Variants in DLGAP1 observed in about 807,000 individuals in gnomAD.
DLGAP1 encodes the protein DLG associated protein 1.
DLGAP1 carries 11 observed loss-of-function variants against 90.8 expected under a neutral mutation model. The ratio of observed to expected loss-of-function variants is 0.12; its 90% CI spans 0.08 to 0.20. DLGAP1 has a LOEUF of 0.20. Ranked by LOEUF, DLGAP1 falls within the 10% of genes least tolerant of loss-of-function variation. DLGAP1 has a pLI of 1.00. For missense variants in DLGAP1, 1,050 were observed against 1,333.8 expected (o/e 0.79, Z 3.31); for synonymous variants, 558 against 540.7 (o/e 1.03, Z -0.44).
intron 1 of DLGAP1, among the ~76,000 whole-genome samples, chr18:4,152,429 C>T (rs1181262364): frequency 1.3e-5 from 2 of 151,962 alleles, no homozygotes; most frequent in African/African-American, 4.8e-5. Flanking sequence ...TGATATGGCT[C>T]GATCAATTTT....
At chr18:3,630,016 G>A (rs749961979) in intron 7 of DLGAP1, among the ~76,000 whole-genome samples, 1 of 152,182 alleles carries the variant, frequency 6.6e-6, no homozygotes, top group Admixed American at 6.5e-5. Flanking sequence ...AGGAGGGCTG[G>A]AGTATAAAGT....
chr18:3,637,398 C>T (rs906393150), intron 7 of DLGAP1, among the ~76,000 whole-genome samples: 1 of 151,928 alleles, frequency 6.6e-6, no homozygotes, highest in African/African-American at 2.4e-5. Flanking sequence ...ACACTTCGCT[C>T]CTGGTAGCAC....
intron 4 of DLGAP1, among the ~76,000 whole-genome samples, chr18:3,867,137 C>T (rs1317677575): frequency 6.6e-6 from 1 of 152,190 alleles, no homozygotes; most frequent in Admixed American, 6.5e-5. Flanking sequence ...CAGGTGTGAA[C>T]CACTGCGCCC....
intron 1 of DLGAP1, among the ~76,000 whole-genome samples, chr18:4,219,033 T>G (rs896620289): frequency 1.8e-3 from 257 of 139,446 alleles, no homozygotes; most frequent in African/African-American, 6.0e-3. Context: ...CTTTGTTTTT[T>G]TTTTTTTTTT....
At chr18:3,796,328 G>C (rs1314798698) in intron 5 of DLGAP1, among the ~76,000 whole-genome samples, 2 of 96,714 alleles carry the variant, frequency 2.1e-5, no homozygotes, top group African/African-American at 6.2e-5. Context: ...TGTGGAGTGT[G>C]AAGTCCTGGG....
chr18:3,912,030 AG>A (rs1236618695), intron 3 of DLGAP1, among the ~76,000 whole-genome samples: 4 of 152,226 alleles, frequency 2.6e-5, no homozygotes, highest in African/African-American at 9.6e-5. Flanking sequence ...TAAGCGCTTC[AG>A]GCTGATATGT....
chr18:3,898,153 G>A (rs2071696144), intron 3 of DLGAP1, among the ~76,000 whole-genome samples: 2 of 152,146 alleles, frequency 1.3e-5, no homozygotes, highest in Admixed American at 1.3e-4. Context: ...TACTGGTTGA[G>A]CATCCCAAAT....
At chr18:4,110,315 A>G (rs1351748316) in intron 2 of DLGAP1, among the ~76,000 whole-genome samples, 2 of 152,222 alleles carry the variant, frequency 1.3e-5, no homozygotes, top group South Asian at 2.1e-4. Flanking sequence ...ACATTGTTAT[A>G]GTCTTATGGG....
At chr18:4,311,156 T>C (rs983732838) in intron 1 of DLGAP1, among the ~76,000 whole-genome samples, 2 of 152,230 alleles carry the variant, frequency 1.3e-5, no homozygotes, top group Non-Finnish European at 2.9e-5. Flanking sequence ...TTAGGCCTAC[T>C]TGATAAGATG....
chr18:3,919,132 C>T (rs969703619), intron 3 of DLGAP1, among the ~76,000 whole-genome samples: 1 of 152,188 alleles, frequency 6.6e-6, no homozygotes, highest in Non-Finnish European at 1.5e-5. Context: ...ATGGCTTTGA[C>T]CTTTTTCTGG....
At chr18:3,963,172 C>A (rs1184262793) in intron 3 of DLGAP1, among the ~76,000 whole-genome samples, 5 of 152,102 alleles carry the variant, frequency 3.3e-5, no homozygotes, top group African/African-American at 1.2e-4. Context: ...TGGAACATAG[C>A]CTTCTTGGCC....
chr18:3,611,315 C>G (rs1166187730), intron 7 of DLGAP1, among the ~76,000 whole-genome samples: 2 of 152,022 alleles, frequency 1.3e-5, no homozygotes, highest in Non-Finnish European at 2.9e-5. Flanking sequence ...ATTTGAGATG[C>G]CTGGAGAAAA....
intron 1 of DLGAP1, among the ~76,000 whole-genome samples, chr18:4,379,534 T>C (rs57681757): frequency 2.0e-5 from 3 of 152,252 alleles, no homozygotes; most frequent in South Asian, 2.1e-4. Flanking sequence ...GATAAGGACA[T>C]GATGCCAACT....
chr18:3,579,997 T>A (rs536820561), intron 8 of DLGAP1, among the ~76,000 whole-genome samples: 1 of 152,348 alleles, frequency 6.6e-6, no homozygotes, highest in East Asian at 1.9e-4. Context: ...ACCCCGGCTA[T>A]TCCTGCAAGT....
chr18:3,802,187 A>G (rs899544868), intron 5 of DLGAP1, among the ~76,000 whole-genome samples: 4 of 151,682 alleles, frequency 2.6e-5, no homozygotes, highest in South Asian at 2.1e-4. Flanking sequence ...GTTTCACCAT[A>G]TTGGCCAGGC....
rs1051254178 is a variant in DLGAP1 at position 3,496,671 on chromosome 18, T to TA, written c.*2513dup. 1 of 152,136 alleles carries TA rather than the reference T, an allele frequency of 6.6e-6. No homozygotes were observed. The highest frequency in any genetic ancestry group is 2.4e-5 in the African/African-American group (1 of 41,430). The allele number at this position is 152,136 out of a possible 1,614,324, so 9.4% of individuals were successfully genotyped here. A position where few individuals can be genotyped will look rare whatever the true frequency, so the allele number is the denominator to read the frequency against. Reference sequence around the variant, plus strand: ...GGTACATACATTTTCCATTACGAACTAAAAAACATTTCTACAAATTACATC... The same window carrying TA: ...GGTACATACATTTTCCATTACGAACTAAAAAAACATTTCTACAAATTACATC... On this transcript the variant is annotated 3_prime_UTR_variant, in exon 13 of 13. Coordinates refer to ENST00000315677, the MANE Select transcript of DLGAP1 (RefSeq NM_004746.4).
rs539012071 is a variant in DLGAP1 at position 3,956,839 on chromosome 18, A to G, written c.-73+48277T>C. 1.2e-4 allele frequency among the ~76,000 whole-genome samples: 18 copies of G among 151,894 alleles called. No individual in the cohort carries two copies. The East Asian group carries it at 3.1e-3, about 26-fold the overall frequency. On this transcript the variant is annotated intron_variant, in intron 3 of 12. Coordinates refer to ENST00000315677, the MANE Select transcript of DLGAP1 (RefSeq NM_004746.4). ...CTAATTTTTGTATTTTTTTGTAGAGATGGGGTCTTACTATGTTGCCCAGGC... is the reference window on the plus strand; with the variant it reads ...CTAATTTTTGTATTTTTTTGTAGAGGTGGGGTCTTACTATGTTGCCCAGGC...
intron 10 of DLGAP1, 78 bp from the exon 11 acceptor site, chr18:3,508,739 G>T: frequency 8.3e-7 from 1 of 1,200,402 alleles, no homozygotes; most frequent in Non-Finnish European, 1.2e-6. Flanking sequence ...CAAAGAGGAA[G>T]TTATGCTGTA....
intron 2 of DLGAP1, among the ~76,000 whole-genome samples, chr18:4,141,705 C>T (rs1235693034): frequency 6.6e-6 from 1 of 151,728 alleles, no homozygotes; most frequent in East Asian, 2.0e-4. Flanking sequence ...AGCCTGTCCT[C>T]AATCTCACTA....
Sources: allele counts gnomAD v4.1 joint callset (sites outside exome capture counted in the v4.1 genomes callset), GRCh38; gene constraint gnomAD v4.1.1; transcripts MANE v1.5; gene names NCBI Gene and HGNC (gene_info 2026-07-23, HGNC 2026-07-21).